The following ZKSCAN1 variants were observed in gnomAD, a reference collection of about 807,000 sequenced individuals.
ZKSCAN1 encodes zinc finger protein with KRAB and SCAN domains 1.
A neutral mutation model predicts 51.6 loss-of-function variants in ZKSCAN1; 14 were observed. The observed-to-expected ratio is 0.27, with a 90% CI of 0.18 to 0.42. The LOEUF (loss-of-function observed/expected upper bound fraction) is 0.42, where lower values mean the gene tolerates loss of function less well. ZKSCAN1 is among the 10% of genes least tolerant of loss of function. The pLI is 1.00. For synonymous variants in ZKSCAN1, 263 were observed against 261.5 expected (o/e 1.01, Z -0.06); for missense variants, 531 against 710.0 (o/e 0.75, Z 2.86).
Position 100,025,785 on chromosome 7 carries a change from A to G in ZKSCAN1, c.580+1478A>G, listed in dbSNP as rs552584841. ...ATCTAAACATCGAAAAAGTAAAAACAGAGTATAAAAGATTTTTAGCCCAGG... is the reference window on the plus strand; with the variant it reads ...ATCTAAACATCGAAAAAGTAAAAACGGAGTATAAAAGATTTTTAGCCCAGG... On this transcript the variant is annotated intron_variant, in intron 3 of 5. Transcript: ENST00000324306. Among the ~76,000 whole-genome samples, 8 of 152,332 alleles carry G rather than the reference A, an allele frequency of 5.3e-5. 1 individual carries two copies. In the South Asian group the frequency reaches 1.7e-3, roughly 32 times the overall value.
At chr7:100,042,529 G>GCC (rs1791625346), downstream of ZKSCAN1, among the ~76,000 whole-genome samples, 1 of 152,002 alleles carries the variant, frequency 6.6e-6, no homozygotes, top group East Asian at 1.9e-4. Context: ...TCCACAGGTT[G>GCC]TGGGCTCAGT....
Position 100,041,523 on chromosome 7 carries a change from A to G in ZKSCAN1, c.*7326A>G. The G allele has an allele frequency of 1.0e-6, 1 of 985,228 alleles. No individual in the cohort carries two copies. The highest frequency in any genetic ancestry group is 1.8e-5 in the African/African-American group (1 of 57,124). The allele number at this position is 985,228 out of a possible 1,614,324, so 61.0% of individuals were successfully genotyped here. ...GAAAAGGCAGCATAATGAAATGTGT[A>G]CACATACATAGTCAGTGGTCCATTT... On this transcript the variant is annotated 3_prime_UTR_variant, in exon 6 of 6. Transcript: ENST00000324306.
intron 1 of ZKSCAN1, among the ~76,000 whole-genome samples, chr7:100,023,065 C>T (rs1203397807): frequency 6.6e-6 from 1 of 151,846 alleles, no homozygotes; most frequent in Non-Finnish European, 1.5e-5. Context: ...GTAGGAAGTG[C>T]AGTGGCGTAA....
chr7:100,041,154 T>C lies in ZKSCAN1; in HGVS notation c.*6957T>C. 1.4e-6 allele frequency: 1 copy of C among 736,174 alleles called. No individual in the cohort carries two copies. Among genetic ancestry groups the C allele is most frequent in the Non-Finnish European group, 1.7e-6 (1 of 602,424 alleles). 45.6% of individuals were successfully genotyped at this position (736,174 alleles called of 1,614,324 possible). On this transcript the variant is annotated 3_prime_UTR_variant, in exon 6 of 6. Coordinates refer to ENST00000324306, the MANE Select transcript of ZKSCAN1 (RefSeq NM_003439.4). The stretch of plus-strand genomic sequence containing the variant: ...TGTAGACTGGATTAAAAACAACCTG[T>C]CCTGTTTTGTCAGTTCCCAGCTTCT...
chr7:100,036,625 G>A lies in ZKSCAN1; in HGVS notation c.*2428G>A, dbSNP rs1365578341. On this transcript the variant is annotated 3_prime_UTR_variant, in exon 6 of 6. Coordinates refer to ENST00000324306, the MANE Select transcript of ZKSCAN1 (RefSeq NM_003439.4). Reference sequence around the variant, plus strand: ...CCCAGCTACTTGGGAGGCTGAGGCAGGAGAATCACTTGAACCCAGGAGGCA... The same window carrying A: ...CCCAGCTACTTGGGAGGCTGAGGCAAGAGAATCACTTGAACCCAGGAGGCA... 1.3e-6 allele frequency: 1 copy of A among 759,586 alleles called. No individual in the cohort carries two copies. Among genetic ancestry groups the A allele is most frequent in the African/African-American group, 1.9e-5 (1 of 52,616 alleles). The allele number at this position is 759,586 out of a possible 1,614,324, so 47.1% of individuals were successfully genotyped here.
In ZKSCAN1 at chr7:100,040,545, G is replaced by A; in HGVS notation, c.*6348G>A. On this transcript the variant is annotated 3_prime_UTR_variant, in exon 6 of 6. Coordinates refer to ENST00000324306, the MANE Select transcript of ZKSCAN1 (RefSeq NM_003439.4). Reference sequence around the variant, plus strand: ...AACTTGGATTTCATTCCAGTGTCAGGTTTGGGTTTTAAGTTCCTTTGGTCC... The same window carrying A: ...AACTTGGATTTCATTCCAGTGTCAGATTTGGGTTTTAAGTTCCTTTGGTCC... 1.0e-6 allele frequency: 1 copy of A among 985,432 alleles called. No homozygotes were observed. The highest frequency in any genetic ancestry group is 1.2e-6 in the Non-Finnish European group (1 of 829,944). 61.0% of individuals were successfully genotyped at this position (985,432 alleles called of 1,614,324 possible).
rs768070657 is a variant in ZKSCAN1, at chr7:100,029,971, G to A, written c.672+19G>A. 27 of 1,612,410 alleles carry A rather than the reference G, an allele frequency of 1.7e-5. No individual in the cohort carries two copies. The highest frequency in any genetic ancestry group is 2.2e-5 in the Non-Finnish European group (26 of 1,178,626). On this transcript the variant is annotated intron_variant, in intron 4 of 5. Coordinates refer to ENST00000324306, the MANE Select transcript of ZKSCAN1 (RefSeq NM_003439.4). ...TTCCCAGGTGAGCTGTGGCCCCTCTGCTCTCCTGAGTCCTCAGTGTCTGCC... is the reference window on the plus strand; with the variant it reads ...TTCCCAGGTGAGCTGTGGCCCCTCTACTCTCCTGAGTCCTCAGTGTCTGCC...
chr7:100,041,706 GTT>G, downstream of ZKSCAN1: 2 of 985,294 alleles, frequency 2.0e-6, no homozygotes, highest in South Asian at 9.4e-5. Context: ...GTGCTGGTTT[GTT>G]TTTTGTTCTT....
intron 5 of ZKSCAN1, among the ~76,000 whole-genome samples, chr7:100,032,090 CAA>C (rs1491244232): frequency 2.0e-5 from 3 of 152,126 alleles, no homozygotes; most frequent in Non-Finnish European, 4.4e-5. Context: ...AAAACAAAAA[CAA>C]AACAAAGTTT....
At chr7:100,042,163 A>G (rs1243624725), downstream of ZKSCAN1, among the ~76,000 whole-genome samples, 3 of 152,038 alleles carry the variant, frequency 2.0e-5, no homozygotes, top group African/African-American at 7.2e-5. Flanking sequence ...TACTAAAAAT[A>G]CAAAAATTAA....
chr7:100,019,638 T>A (rs1790517374), intron 1 of ZKSCAN1, among the ~76,000 whole-genome samples: 1 of 152,212 alleles, frequency 6.6e-6, no homozygotes, highest in African/African-American at 2.4e-5. Context: ...TTTCAAATTC[T>A]GCCTCTACCA....
downstream of ZKSCAN1, chr7:100,045,079 C>A (rs1791686139): frequency 4.3e-6 from 3 of 700,630 alleles, no homozygotes; most frequent in Non-Finnish European, 3.5e-6. Flanking sequence ...TCCTGGGTTT[C>A]CGCTGCAAAG....
chr7:100,034,135 G>T lies in ZKSCAN1; in HGVS notation c.1630G>T (p.Ala544Ser), dbSNP rs546548103. ...TCACAGAATCCATGCCAGAGAGAGAGCCTCTGAGTACAGCCCAGCCTCCCT... is the reference window on the plus strand; with the variant it reads ...TCACAGAATCCATGCCAGAGAGAGATCCTCTGAGTACAGCCCAGCCTCCCT... Reference protein sequence around the residue: ...LHHRIHARERASEYSPASLDA... With the variant: ...LHHRIHARERSSEYSPASLDA... Residue 544 changes from alanine (A) to serine (S), a missense_variant, in exon 6 of 6, where the codon GCC becomes TCC. Coordinates refer to ENST00000324306, the MANE Select transcript of ZKSCAN1 (RefSeq NM_003439.4). 4 of 1,587,824 alleles carry T rather than the reference G, an allele frequency of 2.5e-6. No homozygotes were observed. In the Admixed American group the frequency reaches 7.0e-5, roughly 28 times the overall value.
At chr7:100,020,211 CAG>C (rs1790537287) in intron 1 of ZKSCAN1, among the ~76,000 whole-genome samples, 1 of 152,120 alleles carries the variant, frequency 6.6e-6, no homozygotes, top group Non-Finnish European at 1.5e-5. Context: ...TTTGAAAAGG[CAG>C]AGAGGACTGC....
At position 100,039,356 on chromosome 7, in the gene ZKSCAN1, A is replaced by T. The variant is rs571504189; in HGVS notation, c.*5159A>T. The T allele has an allele frequency of 4.4e-4, 438 of 985,396 alleles. 1 individual carries two copies. In the African/African-American group the frequency reaches 6.8e-3, roughly 15 times the overall value. 61.0% of individuals were successfully genotyped at this position (985,396 alleles called of 1,614,324 possible). ...AGAAAGAAAGAAAATTGGGGATAGGAGAACAGCAAGGTGGGCATTTCCCGG... is the reference window on the plus strand; with the variant it reads ...AGAAAGAAAGAAAATTGGGGATAGGTGAACAGCAAGGTGGGCATTTCCCGG... On this transcript the variant is annotated 3_prime_UTR_variant, in exon 6 of 6. Coordinates refer to ENST00000324306, the MANE Select transcript of ZKSCAN1 (RefSeq NM_003439.4).
Position 100,037,495 on chromosome 7 carries a change from A to C in ZKSCAN1, c.*3298A>C. On this transcript the variant is annotated 3_prime_UTR_variant, in exon 6 of 6. Coordinates refer to ENST00000324306, the MANE Select transcript of ZKSCAN1 (RefSeq NM_003439.4). ...ACGTGTGATACGTGGGACAGTTCAC[A>C]TAGACATCAGAGAATTTATTCCAGA... is the stretch of plus-strand genomic sequence containing the variant. The C allele has an allele frequency of 4.1e-6, 4 of 985,490 alleles. No homozygotes were observed. Among genetic ancestry groups the C allele is most frequent in the Non-Finnish European group, 4.8e-6 (4 of 829,946 alleles). 61.0% of individuals were successfully genotyped at this position (985,490 alleles called of 1,614,324 possible).
intron 5 of ZKSCAN1, among the ~76,000 whole-genome samples, chr7:100,031,722 C>G (rs1309728421): frequency 6.6e-6 from 1 of 152,216 alleles, no homozygotes; most frequent in Non-Finnish European, 1.5e-5. Flanking sequence ...CTGTGTTCCT[C>G]TCCTTGTTGG....
chr7:100,022,300 G>T (rs764381286), intron 1 of ZKSCAN1, among the ~76,000 whole-genome samples: 2 of 152,154 alleles, frequency 1.3e-5, no homozygotes, highest in African/African-American at 4.8e-5. Context: ...TGATCCGCAC[G>T]CCTTGGCCTC....
rs758185466 is a variant in ZKSCAN1, at chr7:100,029,960, G to A, written c.672+8G>A. On this transcript the variant is annotated splice_region_variant and intron_variant, in intron 4 of 5. Transcript: ENST00000324306. ...TTCACAGCGGATTCCCAGGTGAGCT[G>A]TGGCCCCTCTGCTCTCCTGAGTCCT... The A allele has an allele frequency of 1.2e-6, 2 of 1,613,914 alleles. No homozygotes were observed. Among genetic ancestry groups the A allele is most frequent in the Non-Finnish European group, 1.7e-6 (2 of 1,179,914 alleles).
Sources: gnomAD v4.1 joint callset for allele counts (sites outside exome capture counted in the v4.1 genomes callset) on GRCh38, gnomAD v4.1.1 for gene constraint, MANE v1.5 for transcripts, NCBI Gene and HGNC (gene_info 2026-07-23, HGNC 2026-07-21) for gene names.